Variants in TANC2 observed in about 807,000 individuals in gnomAD.
TANC2 encodes the protein tetratricopeptide repeat, ankyrin repeat and coiled-coil containing 2, also known as protein TANC2.
A neutral mutation model predicts 210.5 loss-of-function variants in TANC2; 26 were observed. The observed-to-expected ratio is 0.12, with a 90% CI of 0.09 to 0.17. The LOEUF is 0.17. Ranked by LOEUF, TANC2 falls within the 10% of genes least tolerant of loss-of-function variation. The pLI is 1.00. For synonymous variants in TANC2, 931 were observed against 967.1 expected (o/e 0.96, Z 0.69); for missense variants, 2,129 against 2,608.9 (o/e 0.82, Z 4.01).
At chr17:63,144,697 C>A (rs2039406578) in intron 4 of TANC2, among the ~76,000 whole-genome samples, 1 of 151,948 alleles carries the variant, frequency 6.6e-6, no homozygotes, top group Non-Finnish European at 1.5e-5. Context: ...TTTATACTTA[C>A]ATAGAAGAAA....
At chr17:63,015,798 G>A (rs2034081683) in intron 2 of TANC2, among the ~76,000 whole-genome samples, 1 of 151,530 alleles carries the variant, frequency 6.6e-6, no homozygotes, top group African/African-American at 2.4e-5. Context: ...AAGAAAATAT[G>A]TTTATATTTT....
chr17:63,319,916 C>T (rs1164558185), intron 11 of TANC2, among the ~76,000 whole-genome samples: 1 of 152,166 alleles, frequency 6.6e-6, no homozygotes, highest in Non-Finnish European at 1.5e-5. Context: ...CTCTGATTTT[C>T]ACCTCCATAT....
intron 4 of TANC2, among the ~76,000 whole-genome samples, chr17:63,115,631 C>T (rs971100752): frequency 2.6e-5 from 4 of 152,180 alleles, no homozygotes; most frequent in African/African-American, 7.2e-5. Flanking sequence ...AATATTTACC[C>T]TTTCAGGCAA....
At chr17:63,348,672 T>C (rs1007782308) in intron 12 of TANC2, among the ~76,000 whole-genome samples, 13 of 152,228 alleles carry the variant, frequency 8.5e-5, no homozygotes, top group African/African-American at 3.1e-4. Flanking sequence ...AATTATATTT[T>C]ACATGTTCTT....
chr17:63,044,630 G>A (rs141657676), intron 2 of TANC2, among the ~76,000 whole-genome samples: 5 of 152,152 alleles, frequency 3.3e-5, no homozygotes, highest in South Asian at 2.1e-4. Flanking sequence ...TGCAAATGTA[G>A]GTTATTTGCA....
chr17:63,227,529 A>G (rs2042359561), intron 7 of TANC2, among the ~76,000 whole-genome samples: 1 of 152,174 alleles, frequency 6.6e-6, no homozygotes, highest in South Asian at 2.1e-4. Context: ...TGGATAGATT[A>G]CAAAAACTTT....
intron 7 of TANC2, among the ~76,000 whole-genome samples, chr17:63,225,568 T>C (rs191561893): frequency 1.3e-5 from 2 of 152,342 alleles, no homozygotes; most frequent in East Asian, 3.9e-4. Flanking sequence ...GAGCTAAATT[T>C]ATGTTCCTCT....
intron 5 of TANC2, among the ~76,000 whole-genome samples, chr17:63,159,332 G>A (rs1462187204): frequency 6.6e-6 from 1 of 152,082 alleles, no homozygotes; most frequent in East Asian, 1.9e-4. Flanking sequence ...GTACTGTCAG[G>A]AAGTTTTCTG....
chr17:63,339,172 A>G (rs2046141823), intron 11 of TANC2: 1 of 152,324 alleles, frequency 6.6e-6, no homozygotes, highest in Non-Finnish European at 1.5e-5. Context: ...CATTGCTGTG[A>G]TTAGTAGGTG....
chr17:63,351,727 T>A (rs547064466), intron 13 of TANC2, among the ~76,000 whole-genome samples: 2 of 152,236 alleles, frequency 1.3e-5, no homozygotes, highest in African/African-American at 4.8e-5. Context: ...CTCTAACACT[T>A]TGACTTTCGT....
At chr17:63,226,952 A>G (rs1009354628) in intron 7 of TANC2, among the ~76,000 whole-genome samples, 2 of 152,186 alleles carry the variant, frequency 1.3e-5, no homozygotes, top group African/African-American at 4.8e-5. Flanking sequence ...TTATGGCTGC[A>G]TAGTATTCCA....
chr17:63,106,215 T>C (rs1194591577), intron 4 of TANC2, among the ~76,000 whole-genome samples: 1 of 151,666 alleles, frequency 6.6e-6, no homozygotes, highest in African/African-American at 2.4e-5. Context: ...AGAGGGTTAT[T>C]ACTTAATTCA....
chr17:63,422,049 A>T, exon 28 of TANC2: 1 of 1,448,798 alleles, frequency 6.9e-7, no homozygotes, highest in Non-Finnish European at 9.3e-7. Flanking sequence ...TTAATTTCTC[A>T]TGTAGTTTCT....
At chr17:63,134,427 T>G (rs1252579879) in intron 4 of TANC2, among the ~76,000 whole-genome samples, 3 of 152,188 alleles carry the variant, frequency 2.0e-5, no homozygotes, top group South Asian at 4.1e-4. Context: ...CATATTATTA[T>G]AATAATTACA....
chr17:63,318,858 G>A (rs1321946457), intron 10 of TANC2, 99 bp from the exon 11 acceptor site: 1 of 1,361,074 alleles, frequency 7.3e-7, no homozygotes, highest in Non-Finnish European at 1.0e-6. Context: ...ATATACTTAG[G>A]AGCAGAATTG....
chr17:63,282,324 GATA>G (rs2044082930), intron 9 of TANC2, among the ~76,000 whole-genome samples: 1 of 151,936 alleles, frequency 6.6e-6, no homozygotes, highest in African/African-American at 2.4e-5. Context: ...ACATAGAAAG[GATA>G]ATAAGAAAAT....
chr17:63,104,582 C>G (rs893789552), intron 4 of TANC2, among the ~76,000 whole-genome samples: 5 of 152,068 alleles, frequency 3.3e-5, no homozygotes, highest in South Asian at 2.1e-4. Context: ...TATGTGCGTA[C>G]TATATGTGAT....
chr17:63,037,711 G>T (rs900431624), intron 2 of TANC2, among the ~76,000 whole-genome samples: 2 of 152,124 alleles, frequency 1.3e-5, no homozygotes, highest in Non-Finnish European at 2.9e-5. Context: ...CTACTCGGGA[G>T]TCTGAGGCAG....
chr17:63,199,062 T>A (rs2041443315), intron 6 of TANC2, among the ~76,000 whole-genome samples: 1 of 152,114 alleles, frequency 6.6e-6, no homozygotes, highest in African/African-American at 2.4e-5. Context: ...TAAATTAAAA[T>A]CAAAACCTAG....
Sources: gnomAD v4.1 joint callset for allele counts (sites outside exome capture counted in the v4.1 genomes callset) on GRCh38, gnomAD v4.1.1 for gene constraint, MANE v1.5 for transcripts, NCBI Gene and HGNC (gene_info 2026-07-23, HGNC 2026-07-21) for gene names.